The following ZNF680 variants were observed in gnomAD, a reference collection of about 807,000 sequenced individuals.
ZNF680 encodes zinc finger protein 680.
Under a neutral mutation model 12.1 loss-of-function variants are expected in ZNF680, and 6 were observed. The observed-to-expected ratio is 0.49, with a 90% confidence interval of 0.27 to 0.98. The LOEUF is 0.98. Among genes scored for constraint, ZNF680 ranks in the 50% least tolerant of loss-of-function variants. The pLI is 0.12. For synonymous variants in ZNF680, 170 were observed against 199.3 expected (o/e 0.85, Z 1.24); for missense variants, 561 against 616.3 (o/e 0.91, Z 0.95).
At chr7:64,527,378 A>T (rs57323647) in intron 3 of ZNF680, among the ~76,000 whole-genome samples, 5,016 of 152,286 alleles carry the variant, frequency 0.033, 364 homozygotes, top group East Asian at 0.33. Context: ...CAATCATTTT[A>T]AAAATACATT....
rs988255851 is a variant in ZNF680, at chr7:64,563,047, T to C, written c.-93A>G. 15 of 1,464,742 alleles carry C rather than the reference T, an allele frequency of 1.0e-5. No homozygotes were observed. Among genetic ancestry groups the C allele is most frequent in the Middle Eastern group, 1.8e-4 (1 of 5,706 alleles). 90.7% of individuals were successfully genotyped at this position (1,464,742 alleles called of 1,614,324 possible). A position where few individuals can be genotyped will look rare whatever the true frequency, so the allele number is the denominator to read the frequency against. On this transcript the variant is annotated 5_prime_UTR_variant, in exon 1 of 4. Coordinates refer to ENST00000309683, the MANE Select transcript of ZNF680 (RefSeq NM_178558.5). ...TACACAGAGCAGTAAAGACTAGACCTGGAGCTCCCGCAGCAGCTAGAGACA... is the reference window on the plus strand; with the variant it reads ...TACACAGAGCAGTAAAGACTAGACCCGGAGCTCCCGCAGCAGCTAGAGACA...
intron 1 of ZNF680, among the ~76,000 whole-genome samples, chr7:64,547,235 G>T (rs1470473202): frequency 6.6e-6 from 1 of 152,180 alleles, no homozygotes; most frequent in Admixed American, 6.5e-5. Context: ...CAATGCTGAT[G>T]TTGCTCTTCC....
At chr7:64,544,074 TA>T in intron 2 of ZNF680, 1 of 630,892 alleles carries the variant, frequency 1.6e-6, no homozygotes, top group East Asian at 3.6e-5. Context: ...TTTCTGTAAT[TA>T]CCACTAATCT....
intron 3 of ZNF680, among the ~76,000 whole-genome samples, chr7:64,532,259 CGT>C (rs1785925492): frequency 6.6e-6 from 1 of 150,710 alleles, no homozygotes; most frequent in Non-Finnish European, 1.5e-5. Flanking sequence ...GAGCCGAGAT[CGT>C]ACCACTGCAC....
In ZNF680 at chr7:64,521,753, A is replaced by C; in HGVS notation, c.1001T>G (p.Phe334Cys). 2 of 1,611,682 alleles carry C rather than the reference A, an allele frequency of 1.2e-6. No homozygotes were observed. Among genetic ancestry groups the C allele is most frequent in the Non-Finnish European group, 1.7e-6 (2 of 1,179,410 alleles). Residue 334 changes from phenylalanine (F) to cysteine (C), a missense_variant, in exon 4 of 4, where the codon TTT becomes TGT. Physicochemically the swap from Phe to Cys is radical, Grantham distance 205. Transcript: ENST00000309683. ...CEECGKDFNQ[F>C]SNLTKHKKIH... is the part of the protein sequence containing the mutation. The stretch of plus-strand genomic sequence containing the variant: ...TTTCTTATGTTTAGTAAGGTTTGAA[A>C]ACTGGTTAAAGTCTTTGCCACATTC...
intron 1 of ZNF680, among the ~76,000 whole-genome samples, chr7:64,549,035 G>A (rs570663514): frequency 4.0e-5 from 6 of 151,666 alleles, no homozygotes; most frequent in South Asian, 2.1e-4. Flanking sequence ...CAGGAGAATC[G>A]CTTGAACCCG....
At chr7:64,544,171 A>G in intron 2 of ZNF680, 135 bp downstream of exon 2, 1 of 1,344,052 alleles carries the variant, frequency 7.4e-7, no homozygotes, top group Non-Finnish European at 1.0e-6. Context: ...CTACATGGAC[A>G]AAGCTCAAAG....
chr7:64,556,746 G>A (rs1787435367), intron 1 of ZNF680, among the ~76,000 whole-genome samples: 3 of 152,114 alleles, frequency 2.0e-5, no homozygotes, highest in Admixed American at 1.3e-4. Flanking sequence ...CATAGGAACT[G>A]GCAAAGATTT....
intron 3 of ZNF680, among the ~76,000 whole-genome samples, chr7:64,537,980 A>G (rs1786267066): frequency 6.6e-6 from 1 of 152,070 alleles, no homozygotes; most frequent in Non-Finnish European, 1.5e-5. Context: ...CCCAGAAAAG[A>G]ACGCTTTTGT....
chr7:64,533,734 T>C (rs1377722632), intron 3 of ZNF680, among the ~76,000 whole-genome samples: 1 of 151,948 alleles, frequency 6.6e-6, no homozygotes, highest in Non-Finnish European at 1.5e-5. Flanking sequence ...AAAGAATAAA[T>C]CTGGAGGCAT....
chr7:64,500,976 GCTTTGC>G, the ZNF680 span: 1 of 666,520 alleles, frequency 1.5e-6, no homozygotes, highest in Admixed American at 1.9e-5. Context: ...GTTCATAAGG[GCTTTGC>G]CTTTGTTCAA....
At chr7:64,545,297 C>T (rs1283615232) in intron 1 of ZNF680, among the ~76,000 whole-genome samples, 2 of 143,960 alleles carry the variant, frequency 1.4e-5, no homozygotes, top group Non-Finnish European at 3.0e-5. Context: ...AAAAAAGATC[C>T]TGTGTTTTCC....
At chr7:64,547,886 A>G (rs2116508033) in intron 1 of ZNF680, among the ~76,000 whole-genome samples, 1 of 152,312 alleles carries the variant, frequency 6.6e-6, no homozygotes, top group African/African-American at 2.4e-5. Flanking sequence ...CTGAGTTTCA[A>G]AGAATTATGG....
At chr7:64,543,862 T>C in intron 2 of ZNF680, 60 bp from the exon 3 acceptor site, 4 of 1,406,470 alleles carry the variant, frequency 2.8e-6, no homozygotes, top group Non-Finnish European at 4.0e-6. Context: ...ACCAAACTAC[T>C]AATGTGCTCA....
At chr7:64,500,851 A>C in the ZNF680 span, 1 of 486,122 alleles carries the variant, frequency 2.1e-6, no homozygotes, top group Non-Finnish European at 4.0e-6. Flanking sequence ...CCAACAGAAC[A>C]GATCCTCGCT....
downstream of ZNF680, among the ~76,000 whole-genome samples, chr7:64,516,500 G>C (rs1359067405): frequency 6.6e-6 from 1 of 152,052 alleles, no homozygotes; most frequent in Non-Finnish European, 1.5e-5. Context: ...AAATTAAATA[G>C]ACAGAAACAT....
At chr7:64,505,109 C>T in the ZNF680 span, among the ~76,000 whole-genome samples, 2 of 152,158 alleles carry the variant, frequency 1.3e-5, no homozygotes, top group African/African-American at 4.8e-5. Flanking sequence ...AGGTCAAGAA[C>T]ATAATGATCG....
chr7:64,510,663 C>CT, the ZNF680 span, among the ~76,000 whole-genome samples: 1 of 150,536 alleles, frequency 6.6e-6, no homozygotes, highest in Non-Finnish European at 1.5e-5. Flanking sequence ...GTAATCCCAG[C>CT]ACTTTGGGAG....
chr7:64,562,398 G>A (rs931581897), intron 1 of ZNF680, among the ~76,000 whole-genome samples: 2 of 152,110 alleles, frequency 1.3e-5, no homozygotes, highest in Admixed American at 6.5e-5. Flanking sequence ...TTATGTAACT[G>A]TACCTAACCG....
Sources: allele counts gnomAD v4.1 joint callset (sites outside exome capture counted in the v4.1 genomes callset), GRCh38; gene constraint gnomAD v4.1.1; transcripts MANE v1.5; gene names NCBI Gene and HGNC (gene_info 2026-07-23, HGNC 2026-07-21).